PLA2G2C: variants seen among roughly 807,000 people sequenced by gnomAD.
The protein encoded by PLA2G2C is phospholipase A2 group IIC.
Under a neutral mutation model 14.3 loss-of-function variants are expected in PLA2G2C, and 15 were observed. The ratio of observed to expected loss-of-function variants is 1.05; its 90% CI spans 0.70 to 1.62. The LOEUF (loss-of-function observed/expected upper bound fraction) is 1.62, where lower values mean the gene tolerates loss of function less well. Among genes scored for constraint, PLA2G2C ranks in the 40% most tolerant of loss-of-function variants. PLA2G2C has a pLI of 0.00. For synonymous variants in PLA2G2C, 79 were observed against 67.7 expected, an observed-to-expected ratio of 1.17 and a Z score of -0.82; for missense variants, 162 against 173.2, an observed-to-expected ratio of 0.94 and a Z score of 0.36.
chr1:20,173,574 A>G (rs996902341), intron 3 of PLA2G2C, among the ~76,000 whole-genome samples: 4 of 152,218 alleles, frequency 2.6e-5, no homozygotes, highest in African/African-American at 4.8e-5. Context: ...ACTGTGAGTC[A>G]GGCACTGTAA....
intron 1 of PLA2G2C, among the ~76,000 whole-genome samples, chr1:20,180,551 G>C (rs1299600048): frequency 6.6e-6 from 1 of 152,166 alleles, no homozygotes; most frequent in Non-Finnish European, 1.5e-5. Context: ...CTTAAACTCT[G>C]GTCCCTTTCT....
At position 20,165,708 on chromosome 1, in the gene PLA2G2C, G is replaced by A. The variant is rs557294062; in HGVS notation, c.284-1551C>T. Among the ~76,000 whole-genome samples, 78 of 148,830 alleles carry A rather than the reference G, an allele frequency of 5.2e-4. No individual in the cohort carries two copies. In the South Asian group the frequency reaches 0.015, roughly 29 times the overall value. ...TGTGCATGCGCGTGTGTGCATGCGT[G>A]TGCCTGTGTGCATGTGTATGCTTGT... On this transcript the variant is annotated intron_variant, in intron 4 of 4. Coordinates refer to ENST00000679259, the MANE Select transcript of PLA2G2C (RefSeq NM_001367969.2).
chr1:20,164,220 T>A, intron 4 of PLA2G2C, 63 bp from the exon 5 acceptor site: 1 of 1,505,728 alleles, frequency 6.6e-7, no homozygotes, highest in Non-Finnish European at 8.9e-7. Flanking sequence ...GTTCTAAGGC[T>A]GGGGAGAACT....
At chr1:20,182,375 A>G (rs939705158) in intron 1 of PLA2G2C, among the ~76,000 whole-genome samples, 3 of 152,196 alleles carry the variant, frequency 2.0e-5, no homozygotes, top group African/African-American at 7.2e-5. Context: ...TTGTGTTACA[A>G]TTGCCATTGT....
intron 1 of PLA2G2C, among the ~76,000 whole-genome samples, chr1:20,183,001 T>C (rs1247138615): frequency 5.3e-5 from 8 of 151,816 alleles, no homozygotes; most frequent in East Asian, 1.9e-4. Flanking sequence ...ACCATCATCA[T>C]TGCCGAGCAC....
intron 2 of PLA2G2C, among the ~76,000 whole-genome samples, chr1:20,175,375 A>G (rs1015432798): frequency 4.6e-5 from 7 of 152,184 alleles, no homozygotes; most frequent in Non-Finnish European, 8.8e-5. Context: ...ATGAATACCC[A>G]GTTTCCATGA....
At chr1:20,167,388 T>C (rs1484972978) in intron 4 of PLA2G2C, among the ~76,000 whole-genome samples, 1 of 152,154 alleles carries the variant, frequency 6.6e-6, no homozygotes, top group Non-Finnish European at 1.5e-5. Context: ...AGCTCAGTAT[T>C]TGGTGCCACT....
intron 4 of PLA2G2C, 151 bp downstream of exon 4, chr1:20,172,643 G>A: frequency 1.5e-6 from 1 of 686,536 alleles, no homozygotes; most frequent in Non-Finnish European, 2.4e-6. Context: ...ACTCTGAGAA[G>A]CTCTGGAGCA....
intron 2 of PLA2G2C, among the ~76,000 whole-genome samples, chr1:20,176,100 G>A (rs2018178770): frequency 1.3e-5 from 2 of 151,944 alleles, no homozygotes; most frequent in African/African-American, 2.4e-5. Context: ...TAATAGAGAC[G>A]GGGTTTCACC....
rs574713712 is a variant in PLA2G2C, at chr1:20,184,930, G to T, written c.-77+1430C>A. ...GCACTTTGGGAGGCTGAGGCGGGAG[G>T]ATCACTTGAGCCCAAGACTTCAAGA... On this transcript the variant is annotated intron_variant, in intron 1 of 4. Coordinates refer to ENST00000679259, the MANE Select transcript of PLA2G2C (RefSeq NM_001367969.2). Among the ~76,000 whole-genome samples, 375 of 152,172 alleles carry T rather than the reference G, an allele frequency of 2.5e-3. 1 individual carries two copies. Among genetic ancestry groups the T allele is most frequent in the Middle Eastern group, 6.8e-3 (2 of 294 alleles).
intron 1 of PLA2G2C, among the ~76,000 whole-genome samples, chr1:20,181,630 G>C (rs1480576712): frequency 6.6e-6 from 1 of 152,034 alleles, no homozygotes; most frequent in Non-Finnish European, 1.5e-5. Context: ...TCTTGTTTTA[G>C]ATGCAGTTCT....
chr1:20,166,077 G>A (rs754700288), intron 4 of PLA2G2C, among the ~76,000 whole-genome samples: 24 of 152,208 alleles, frequency 1.6e-4, no homozygotes, highest in Admixed American at 1.2e-3. Flanking sequence ...CAAGTGGTCC[G>A]GATGTGCCTG....
chr1:20,179,112 C>T (rs1047848112), intron 1 of PLA2G2C, among the ~76,000 whole-genome samples: 30 of 152,346 alleles, frequency 2.0e-4, no homozygotes, highest in Non-Finnish European at 4.0e-4. Flanking sequence ...CCATCCCTTG[C>T]CTTTTTCAGG....
chr1:20,186,507 C>G lies in PLA2G2C; in HGVS notation c.-224G>C, dbSNP rs1348582658. 5.3e-5 allele frequency: 8 copies of G among 152,322 alleles called. No homozygotes were observed. Among genetic ancestry groups the G allele is most frequent in the African/African-American group, 1.9e-4 (8 of 41,448 alleles). 9.4% of individuals were successfully genotyped at this position (152,322 alleles called of 1,614,324 possible). A position where few individuals can be genotyped will look rare whatever the true frequency, so the allele number is the denominator to read the frequency against. On this transcript the variant is annotated 5_prime_UTR_variant, in exon 1 of 5. Transcript: ENST00000679259. ...GTCCCAGTCTCCGGCAGGGCAGAGA[C>G]GAGAACCAGAGGGCCCCTCCCCCAG...
intron 4 of PLA2G2C, among the ~76,000 whole-genome samples, chr1:20,170,270 G>T (rs970653148): frequency 6.6e-6 from 1 of 152,222 alleles, no homozygotes; most frequent in African/African-American, 2.4e-5. Flanking sequence ...ATGTTCCAGA[G>T]CACTGAAAAG....
chr1:20,171,805 A>G (rs112249449), intron 4 of PLA2G2C, among the ~76,000 whole-genome samples: 1 of 121,438 alleles, frequency 8.2e-6, no homozygotes, highest in African/African-American at 3.3e-5. Context: ...TCTGTGGCCC[A>G]GGCGGGAGTG....
intron 4 of PLA2G2C, among the ~76,000 whole-genome samples, chr1:20,164,859 A>G (rs2017949502): frequency 6.6e-6 from 1 of 152,144 alleles, no homozygotes; most frequent in African/African-American, 2.4e-5. Flanking sequence ...AAAATAGCCC[A>G]TGTTCTGCCC....
intron 4 of PLA2G2C, 146 bp downstream of exon 4, chr1:20,172,647 TG>T: frequency 1.4e-6 from 1 of 701,204 alleles, no homozygotes; most frequent in Non-Finnish European, 2.3e-6. Flanking sequence ...TGAGAAGCTC[TG>T]GAGCATCAGG....
In PLA2G2C at chr1:20,177,381, G is replaced by T. The variant is rs777419774; in HGVS notation, c.-18C>A. On this transcript the variant is annotated 5_prime_UTR_variant, in exon 2 of 5. Transcript: ENST00000679259. ...ACCTTCATTCCTGAGGAGACCAGGG[G>T]GTCTGAGGTTCTACAGCCACGCCTT... 1.4e-6 allele frequency: 1 copy of T among 691,118 alleles called. No individual in the cohort carries two copies. Among genetic ancestry groups the T allele is most frequent in the South Asian group, 1.5e-5 (1 of 65,928 alleles). 42.8% of individuals were successfully genotyped at this position (691,118 alleles called of 1,614,324 possible).
Sources: allele counts gnomAD v4.1 joint callset (sites outside exome capture counted in the v4.1 genomes callset), GRCh38; gene constraint gnomAD v4.1.1; transcripts MANE v1.5; gene names NCBI Gene and HGNC (gene_info 2026-07-23, HGNC 2026-07-21).